The following DNAI3 variants were observed in gnomAD, a reference collection of about 807,000 sequenced individuals.
The protein encoded by DNAI3 is dynein axonemal intermediate chain 3.
A neutral mutation model predicts 115.5 loss-of-function variants in DNAI3; 83 were observed. The ratio of observed to expected loss-of-function variants is 0.72; its 90% CI spans 0.60 to 0.86. The LOEUF is 0.86. DNAI3 is among the 40% of genes least tolerant of loss of function. The pLI is 0.00. For missense variants in DNAI3, 1,004 were observed against 1,075.8 expected (o/e 0.93, Z 0.93); for synonymous variants, 320 against 347.0 (o/e 0.92, Z 0.86).
intron 1 of DNAI3, 119 bp from the exon 2 acceptor site, chr1:85,071,809 C>T: frequency 3.1e-6 from 3 of 983,098 alleles, no homozygotes; most frequent in Non-Finnish European, 4.5e-6. Context: ...TTGATTTAGC[C>T]CAGGGTAAAT....
At chr1:85,096,856 A>G (rs1264935057) in intron 11 of DNAI3, among the ~76,000 whole-genome samples, 1 of 152,106 alleles carries the variant, frequency 6.6e-6, no homozygotes, top group Non-Finnish European at 1.5e-5. Context: ...TGAGGGTCAT[A>G]ATGACTCAAA....
At chr1:85,089,402 T>C (rs1458277993) in intron 7 of DNAI3, among the ~76,000 whole-genome samples, 1 of 149,760 alleles carries the variant, frequency 6.7e-6, no homozygotes, top group Non-Finnish European at 1.5e-5. Context: ...CCCAGTCTAA[T>C]ACTTGAGATT....
In DNAI3 at chr1:85,126,612, A is replaced by G. The variant is rs1417991789; in HGVS notation, c.2214A>G (p.Gly738=). The G allele has an allele frequency of 5.0e-6, 8 of 1,614,038 alleles. No individual in the cohort carries two copies. ...PGVFYIGRED[G]YIDIWDLLEK... is the part of the protein sequence containing the mutation. ...TTTTCTACATCGGCCGAGAAGATGG[A>G]TACATTGATATCTGGGACCTTCTGG... Residue 738 remains glycine, a synonymous_variant, in exon 20 of 23, where the codon GGA becomes GGG. Transcript: ENST00000294664.
At chr1:85,121,146 G>A (rs529607631) in intron 17 of DNAI3, among the ~76,000 whole-genome samples, 4 of 152,166 alleles carry the variant, frequency 2.6e-5, no homozygotes, top group East Asian at 3.9e-4. Flanking sequence ...GTAATTCATC[G>A]GTTCTCTCTG....
In DNAI3 at chr1:85,090,202, T is replaced by C; in HGVS notation, c.827T>C (p.Leu276Ser). 6.3e-7 allele frequency: 1 copy of C among 1,578,974 alleles called. No individual in the cohort carries two copies. The highest frequency in any genetic ancestry group is 8.6e-7 in the Non-Finnish European group (1 of 1,166,144). Residue 276 changes from leucine (L) to serine (S), a missense_variant, in exon 8 of 23, where the codon TTG becomes TCG. Physicochemically the swap from Leu to Ser is moderately radical, Grantham distance 145. Transcript: ENST00000294664. The part of the protein sequence containing the change: ...EKETLKQSKP[L>S]VDFLNNASIS... ...GAGACACTCAAACAATCAAAGCCTT[T>C]GGTTGATTTTCTTAACAATGCATCC...
At chr1:85,117,953 A>G in intron 17 of DNAI3, 94 bp downstream of exon 17, 1 of 1,391,516 alleles carries the variant, frequency 7.2e-7, no homozygotes, top group Non-Finnish European at 9.7e-7. Flanking sequence ...GTGTAAAGAC[A>G]TAAAAGTTAT....
At chr1:85,083,925 TTG>T (rs1654707648) in intron 5 of DNAI3, among the ~76,000 whole-genome samples, 1 of 151,856 alleles carries the variant, frequency 6.6e-6, no homozygotes, top group South Asian at 2.1e-4. Flanking sequence ...CACATAAAAA[TTG>T]TGTCATTTTT....
At chr1:85,089,343 T>C (rs1654900406) in intron 7 of DNAI3, among the ~76,000 whole-genome samples, 1 of 150,842 alleles carries the variant, frequency 6.6e-6, no homozygotes, top group East Asian at 2.0e-4. Flanking sequence ...CTCTTAATGA[T>C]TGTGCCCTGT....
At chr1:85,091,814 A>G (rs1410110976) in intron 8 of DNAI3, among the ~76,000 whole-genome samples, 3 of 152,184 alleles carry the variant, frequency 2.0e-5, no homozygotes, top group South Asian at 2.1e-4. Flanking sequence ...CGGGAGCTAC[A>G]TGGTTCCAGG....
At chr1:85,114,221 C>T (rs1655747610) in intron 16 of DNAI3, among the ~76,000 whole-genome samples, 1 of 152,052 alleles carries the variant, frequency 6.6e-6, no homozygotes, top group Admixed American at 6.6e-5. Context: ...CCATGTTGGC[C>T]AGGCTGGTCT....
At chr1:85,122,452 C>T (rs974368816) in intron 18 of DNAI3, among the ~76,000 whole-genome samples, 7 of 152,230 alleles carry the variant, frequency 4.6e-5, no homozygotes, top group African/African-American at 1.7e-4. Context: ...CTATCTCTAG[C>T]AGGCTCAGAG....
chr1:85,088,751 C>G (rs1266544568), intron 7 of DNAI3, among the ~76,000 whole-genome samples: 1 of 152,226 alleles, frequency 6.6e-6, no homozygotes, highest in East Asian at 1.9e-4. Flanking sequence ...TGCTGAAAAA[C>G]AACAAAACAA....
intron 16 of DNAI3, among the ~76,000 whole-genome samples, chr1:85,116,821 A>G (rs1458895347): frequency 6.6e-6 from 1 of 152,188 alleles, no homozygotes; most frequent in African/African-American, 2.4e-5. Context: ...TGTCTTACTT[A>G]GTGGGAAAAG....
chr1:85,076,438 A>G (rs1019900775), intron 3 of DNAI3, among the ~76,000 whole-genome samples: 1 of 152,238 alleles, frequency 6.6e-6, no homozygotes, highest in Non-Finnish European at 1.5e-5. Flanking sequence ...TAAGGTAACA[A>G]TACAGAAGTG....
chr1:85,119,767 G>A (rs922730076), intron 17 of DNAI3, among the ~76,000 whole-genome samples: 2 of 151,502 alleles, frequency 1.3e-5, no homozygotes, highest in East Asian at 1.9e-4. Flanking sequence ...GCACGATCTC[G>A]GCTTATTGCA....
intron 13 of DNAI3, among the ~76,000 whole-genome samples, chr1:85,103,238 T>C (rs1479822227): frequency 6.6e-6 from 1 of 152,122 alleles, no homozygotes; most frequent in African/African-American, 2.4e-5. Flanking sequence ...AGTTCCAGAG[T>C]GGCATCTTCA....
In DNAI3 at chr1:85,130,109, A is replaced by T; in HGVS notation, c.2529A>T (p.Lys843Asn). The T allele has an allele frequency of 4.3e-6, 7 of 1,613,352 alleles. No homozygotes were observed. Among genetic ancestry groups the T allele is most frequent in the Non-Finnish European group, 5.1e-6 (6 of 1,179,700 alleles). Residue 843 changes from lysine to asparagine, a missense_variant, in exon 22 of 23, where the codon AAA becomes AAT. Lys to Asn is a moderately conservative substitution (Grantham distance 94, BLOSUM62 0). This residue lies in a region of DNAI3 where 429 missense variants were observed against 454.3 expected (regional missense o/e 0.94). Coordinates refer to ENST00000294664, the MANE Select transcript of DNAI3 (RefSeq NM_145172.5). Reference protein sequence around the residue: ...KEMELEMAKKKVKTYQKSKEQ... With the variant: ...KEMELEMAKKNVKTYQKSKEQ... ...TGGAACTAGAAATGGCAAAGAAAAA[A>T]GTTGTAAGTTAAATTTCAGAAATGA...
chr1:85,072,143 T>C, intron 2 of DNAI3, 138 bp downstream of exon 2: 2 of 794,316 alleles, frequency 2.5e-6, no homozygotes, highest in East Asian at 2.8e-5. Flanking sequence ...AGGAATAAGA[T>C]ATATGGAGAT....
intron 1 of DNAI3, among the ~76,000 whole-genome samples, chr1:85,064,006 C>T (rs1330719655): frequency 1.3e-5 from 2 of 152,068 alleles, no homozygotes; most frequent in African/African-American, 2.4e-5. Context: ...ATCATTACCT[C>T]ACAATTAAGG....
Sources: allele counts gnomAD v4.1 joint callset (sites outside exome capture counted in the v4.1 genomes callset), GRCh38; gene constraint gnomAD v4.1.1; regional missense constraint gnomAD v4.1.1; transcripts MANE v1.5; gene names NCBI Gene and HGNC (gene_info 2026-07-23, HGNC 2026-07-21).